Variants in SFTPD observed in about 807,000 individuals in gnomAD.
SFTPD encodes pulmonary surfactant-associated protein D.
A neutral mutation model predicts 34.6 loss-of-function variants in SFTPD; 18 were observed. The observed-to-expected ratio is 0.52, with a 90% CI of 0.36 to 0.77. SFTPD has a LOEUF of 0.77. Ranked by LOEUF, SFTPD falls within the 30% of genes least tolerant of loss-of-function variation. SFTPD has a pLI of 0.00. For missense variants in SFTPD, 433 were observed against 468.9 expected (o/e 0.92, Z 0.71); for synonymous variants, 155 against 180.9 (o/e 0.86, Z 1.15).
chr10:79,952,773 G>C (rs1842717692), upstream of SFTPD, among the ~76,000 whole-genome samples: 1 of 152,124 alleles, frequency 6.6e-6, no homozygotes, highest in South Asian at 2.1e-4. Context: ...TATGACACCT[G>C]CCACTTCAAC....
At chr10:79,944,954 A>T (rs566378395) in intron 2 of SFTPD, among the ~76,000 whole-genome samples, 2 of 152,064 alleles carry the variant, frequency 1.3e-5, no homozygotes, top group African/African-American at 4.8e-5. Flanking sequence ...GCCCACAGAG[A>T]CCTATTCTGG....
At chr10:79,969,724 T>C (rs1025042556) in intron 1 of SFTPD, 2 of 149,812 alleles carry the variant, frequency 1.3e-5, no homozygotes, top group African/African-American at 5.0e-5. Flanking sequence ...GTTCAGATCA[T>C]TTCACATTTT....
intron 1 of SFTPD, among the ~76,000 whole-genome samples, chr10:79,957,273 C>T (rs10887242): frequency 0.15 from 22,231 of 152,156 alleles, 2,059 homozygotes; most frequent in East Asian, 0.41. Context: ...TGCAGCTCCT[C>T]ACCAACAACG....
chr10:79,939,097 T>C (rs1179821450), intron 7 of SFTPD, among the ~76,000 whole-genome samples: 5 of 151,750 alleles, frequency 3.3e-5, no homozygotes, highest in Non-Finnish European at 7.4e-5. Flanking sequence ...AGCTGTTGCG[T>C]GGGCAAGGGA....
At chr10:79,973,833 T>G (rs112023749) in intron 1 of SFTPD, among the ~76,000 whole-genome samples, 41 of 152,166 alleles carry the variant, frequency 2.7e-4, no homozygotes, top group Admixed American at 3.9e-4. Flanking sequence ...CACAGTGTCA[T>G]GCAGTGAACT....
chr10:79,972,042 A>G (rs1842837539), intron 1 of SFTPD: 1 of 152,170 alleles, frequency 6.6e-6, no homozygotes. Flanking sequence ...CATGCTGCAA[A>G]GCTCACCAGG....
rs1175753336 is a variant in SFTPD at position 79,941,411 on chromosome 10, T to C, written c.654A>G (p.Glu218=). 1 of 1,614,056 alleles carries C rather than the reference T, an allele frequency of 6.2e-7. No individual in the cohort carries two copies. The part of the protein sequence containing the change: ...GIPGDKGAKG[E]SGLPDVASLR... ...CTGCTACCTTACCTGGAAGCCCACT[T>C]TCTCCCTTTGCTCCTTTGTCTCCAG... The change falls in exon 6 of 8, where the codon GAA becomes GAG. Residue 218 remains glutamate, a synonymous_variant. Coordinates refer to ENST00000372292, the MANE Select transcript of SFTPD (RefSeq NM_003019.5).
At chr10:79,941,356 T>G in intron 6 of SFTPD, 42 bp downstream of exon 6, 2 of 1,559,842 alleles carry the variant, frequency 1.3e-6, no homozygotes, top group Non-Finnish European at 1.8e-6. Context: ...TGCCCACCCA[T>G]GCCCCAGCGG....
intron 1 of SFTPD, among the ~76,000 whole-genome samples, chr10:79,961,716 C>T: frequency 6.6e-6 from 1 of 152,190 alleles, no homozygotes; most frequent in Non-Finnish European, 1.5e-5. Flanking sequence ...CTTGTTCAAC[C>T]ATTGTGGAAG....
chr10:79,940,696 G>A lies in SFTPD; in HGVS notation c.751+9C>T, dbSNP rs767752163. On this transcript the variant is annotated intron_variant, in intron 7 of 7. Transcript: ENST00000372292. ...AGTGCTGGGTCCAGGTTCAGATCCA[G>A]GAACTCACCTTTCTTATACTGAGAG... 6.3e-7 allele frequency: 1 copy of A among 1,577,922 alleles called. No homozygotes were observed. The highest frequency in any genetic ancestry group is 1.1e-5 in the South Asian group (1 of 90,108).
At chr10:79,963,015 ACCTT>A in intron 1 of SFTPD, among the ~76,000 whole-genome samples, 1 of 152,082 alleles carries the variant, frequency 6.6e-6, no homozygotes, top group East Asian at 1.9e-4. Context: ...CTGTCTACCT[ACCTT>A]TCCTTATTCC....
intron 1 of SFTPD, chr10:79,968,874 T>C (rs1842819054): frequency 6.6e-6 from 1 of 152,174 alleles, no homozygotes; most frequent in Non-Finnish European, 1.5e-5. Flanking sequence ...TTCTGACTGG[T>C]GTAAGATGGT....
chr10:79,975,273 G>A (rs1446956105), intron 1 of SFTPD, among the ~76,000 whole-genome samples: 1 of 152,178 alleles, frequency 6.6e-6, no homozygotes, highest in East Asian at 1.9e-4. Flanking sequence ...GGGTAGGGAT[G>A]AACCTCTCCC....
chr10:79,942,141 G>A, intron 4 of SFTPD, 71 bp from the exon 5 acceptor site: 1 of 1,156,938 alleles, frequency 8.6e-7, no homozygotes, highest in Non-Finnish European at 1.3e-6. Context: ...GTTAGCAATG[G>A]AGCTTTTTGC....
rs1250897217 is a variant in SFTPD, at chr10:79,937,886, C to T, written c.1094G>A (p.Cys365Tyr). The T allele has an allele frequency of 6.4e-7, 1 of 1,566,656 alleles. No individual in the cohort carries two copies. The highest frequency in any genetic ancestry group is 8.7e-7 in the Non-Finnish European group (1 of 1,151,696). The change falls in exon 8 of 8, where the codon TGT becomes TAT. Residue 365 changes from cysteine (C) to tyrosine (Y), a missense_variant. Coordinates refer to ENST00000372292, the MANE Select transcript of SFTPD (RefSeq NM_003019.5). ...FTNGKWNDRA[C>Y]GEKRLVVCEF ...GCAGACCACAAGACGCTTTTCTCCA[C>T]AAGCCCTGTCATTCCACTTGCCATT...
At chr10:79,950,922 A>T (rs1842706155), upstream of SFTPD, 1 of 152,026 alleles carries the variant, frequency 6.6e-6, no homozygotes, top group Admixed American at 6.6e-5. Context: ...GGTTAATTCA[A>T]ATGACTGGCC....
intron 1 of SFTPD, among the ~76,000 whole-genome samples, chr10:79,961,282 C>T (rs1842771034): frequency 1.3e-5 from 2 of 152,116 alleles, no homozygotes; most frequent in African/African-American, 4.8e-5. Context: ...CAACAAAAGC[C>T]AGAATTGACA....
intron 1 of SFTPD, among the ~76,000 whole-genome samples, chr10:79,955,676 C>T (rs891661134): frequency 1.3e-5 from 2 of 152,208 alleles, no homozygotes; most frequent in African/African-American, 4.8e-5. Context: ...CATGCATATG[C>T]AGGTTCTATG....
intron 1 of SFTPD, among the ~76,000 whole-genome samples, chr10:79,947,487 C>T (rs1467241708): frequency 1.3e-5 from 2 of 152,070 alleles, no homozygotes; most frequent in East Asian, 1.9e-4. Flanking sequence ...GTCAGGAGTT[C>T]GAGACCAGCC....
Sources: allele counts gnomAD v4.1 joint callset (sites outside exome capture counted in the v4.1 genomes callset), GRCh38; gene constraint gnomAD v4.1.1; transcripts MANE v1.5; gene names NCBI Gene and HGNC (gene_info 2026-07-23, HGNC 2026-07-21).